VPS13A: variants seen among roughly 807,000 people sequenced by gnomAD.
VPS13A encodes vacuolar protein sorting 13 homolog A.
Under a neutral mutation model 390.9 loss-of-function variants are expected in VPS13A, and 264 were observed. That is an observed-to-expected ratio of 0.68 (90% CI 0.61 to 0.75). The LOEUF is 0.75. Ranked by LOEUF, VPS13A falls within the 30% of genes least tolerant of loss-of-function variation. The pLI is 0.00. For missense variants in VPS13A, 3,409 were observed against 3,733.9 expected (o/e 0.91, Z 2.27); for synonymous variants, 1,231 against 1,227.1 (o/e 1.00, Z -0.07).
chr9:77,281,224 A>T (rs536670593), intron 27 of VPS13A, among the ~76,000 whole-genome samples: 1 of 152,154 alleles, frequency 6.6e-6, no homozygotes, highest in Admixed American at 6.5e-5. Flanking sequence ...TGAGATCTGT[A>T]TACAGCAGGG....
intron 36 of VPS13A, 52 bp downstream of exon 36, chr9:77,314,171 G>T (rs553152572): frequency 6.3e-7 from 1 of 1,598,138 alleles, no homozygotes. Context: ...ATTTGCATAG[G>T]TTGATGTTTT....
At chr9:77,261,285 C>T (rs529105840) in intron 23 of VPS13A, among the ~76,000 whole-genome samples, 4 of 152,088 alleles carry the variant, frequency 2.6e-5, no homozygotes, top group African/African-American at 9.6e-5. Context: ...ATCATATATG[C>T]CTTAGATAAA....
chr9:77,326,180 G>T (rs867846482), intron 45 of VPS13A, among the ~76,000 whole-genome samples: 2 of 151,910 alleles, frequency 1.3e-5, no homozygotes, highest in Non-Finnish European at 2.9e-5. Context: ...CAGCTTTTGA[G>T]ATTTTTTTTC....
At chr9:77,242,936 A>G (rs1038485600) in intron 19 of VPS13A, among the ~76,000 whole-genome samples, 1 of 152,026 alleles carries the variant, frequency 6.6e-6, no homozygotes, top group African/African-American at 2.4e-5. Context: ...TTCTATACCA[A>G]TAGTATAAAA....
At chr9:77,272,999 T>A (rs889726464) in intron 23 of VPS13A, among the ~76,000 whole-genome samples, 1 of 152,240 alleles carries the variant, frequency 6.6e-6, no homozygotes, top group Non-Finnish European at 1.5e-5. Context: ...TAATACTATG[T>A]TGACTTAAAA....
At position 77,416,576 on chromosome 9, in the gene VPS13A, T is replaced by G. The variant is rs1258686327; in HGVS notation, c.*570T>G. ...ATAAAGGATAGGTTTGAATTGTACTTAAAATGCATAGCATTATTAAAAACA... is the reference window on the plus strand; with the variant it reads ...ATAAAGGATAGGTTTGAATTGTACTGAAAATGCATAGCATTATTAAAAACA... On this transcript the variant is annotated 3_prime_UTR_variant, in exon 72 of 72. Coordinates refer to ENST00000360280, the MANE Select transcript of VPS13A (RefSeq NM_033305.3). The G allele has an allele frequency of 1.3e-5, 2 of 152,706 alleles. No individual in the cohort carries two copies. The highest frequency in any genetic ancestry group is 3.8e-4 in the East Asian group (2 of 5,214). The allele number at this position is 152,706 out of a possible 1,614,324, so 9.5% of individuals were successfully genotyped here.
rs536941797 is a variant in VPS13A at position 77,228,000 on chromosome 9, C to T, written c.1453-122C>T. 1.3e-5 allele frequency: 10 copies of T among 745,178 alleles called. No homozygotes were observed. The African/African-American group carries it at 1.8e-4, about 14-fold the overall frequency. The allele number at this position is 745,178 out of a possible 1,614,324, so 46.2% of individuals were successfully genotyped here. A position where few individuals can be genotyped will look rare whatever the true frequency, so the allele number is the denominator to read the frequency against. The stretch of plus-strand genomic sequence containing the variant: ...TTTTTTTGGGGTCAATGTGATGATT[C>T]TTGAAGAAATAAAATGTCCTTAAAA... On this transcript the variant is annotated intron_variant, in intron 16 of 71. Transcript: ENST00000360280.
chr9:77,325,151 A>G (rs1357991268), intron 45 of VPS13A, among the ~76,000 whole-genome samples: 2 of 152,214 alleles, frequency 1.3e-5, no homozygotes, highest in East Asian at 1.9e-4. Context: ...TTAAATTCTC[A>G]TAAGGAGCAT....
intron 7 of VPS13A, 110 bp from the exon 8 acceptor site, chr9:77,212,859 G>A (rs1389942755): frequency 8.8e-6 from 10 of 1,130,084 alleles, no homozygotes; most frequent in Non-Finnish European, 1.3e-5. Context: ...GTCTTTAAAG[G>A]CATTTTCATG....
chr9:77,347,083 A>G (rs899756688), intron 52 of VPS13A, among the ~76,000 whole-genome samples: 1 of 152,204 alleles, frequency 6.6e-6, no homozygotes, highest in Non-Finnish European at 1.5e-5. Flanking sequence ...TTTGGTGACT[A>G]TAGGCATTGT....
At chr9:77,415,587 G>A (rs1835139789) in intron 71 of VPS13A, among the ~76,000 whole-genome samples, 1 of 152,302 alleles carries the variant, frequency 6.6e-6, no homozygotes, top group African/African-American at 2.4e-5. Flanking sequence ...CTCTGGAATT[G>A]TGTGTAAGTA....
intron 12 of VPS13A, 116 bp from the exon 13 acceptor site, chr9:77,221,069 T>C: frequency 6.1e-6 from 6 of 990,136 alleles, no homozygotes; most frequent in South Asian, 1.4e-5. Flanking sequence ...TCAGATAATA[T>C]ATCATTTTCC....
At chr9:77,348,043 A>G (rs890564426) in intron 52 of VPS13A, among the ~76,000 whole-genome samples, 3 of 152,186 alleles carry the variant, frequency 2.0e-5, no homozygotes, top group African/African-American at 7.2e-5. Flanking sequence ...AATTAGTTCA[A>G]CCATTGTGGA....
At chr9:77,413,681 GC>G (rs1835043541) in intron 71 of VPS13A, among the ~76,000 whole-genome samples, 1 of 152,132 alleles carries the variant, frequency 6.6e-6, no homozygotes, top group Non-Finnish European at 1.5e-5. Flanking sequence ...ATAGGCATGG[GC>G]AAGGACTTCA....
In VPS13A at chr9:77,230,256, T is replaced by A. The variant is rs534854651; in HGVS notation, c.1595+1992T>A. Among the ~76,000 whole-genome samples, 16 of 152,044 alleles carry A rather than the reference T, an allele frequency of 1.1e-4. No individual in the cohort carries two copies. The South Asian group carries it at 1.7e-3, about 16-fold the overall frequency. On this transcript the variant is annotated intron_variant, in intron 17 of 71. Coordinates refer to ENST00000360280, the MANE Select transcript of VPS13A (RefSeq NM_033305.3). Reference sequence around the variant, plus strand: ...CTTAATGGTGAAGTCAAATTTATATTTTTTTTGCTACACATGCTTTTCATT... The same window carrying A: ...CTTAATGGTGAAGTCAAATTTATATATTTTTTGCTACACATGCTTTTCATT...
chr9:77,275,016 A>C (rs992698313), intron 24 of VPS13A, among the ~76,000 whole-genome samples: 5 of 152,136 alleles, frequency 3.3e-5, no homozygotes, highest in Admixed American at 6.5e-5. Flanking sequence ...TTGTGTATAT[A>C]TATGTATACA....
At chr9:77,185,822 G>C (rs1037926977) in intron 1 of VPS13A, among the ~76,000 whole-genome samples, 2 of 152,128 alleles carry the variant, frequency 1.3e-5, no homozygotes, top group Admixed American at 6.5e-5. Flanking sequence ...ACTAGTCCAA[G>C]TCCACGTCCA....
chr9:77,305,451 T>A (rs983978058), intron 34 of VPS13A: 2 of 123,150 alleles, frequency 1.6e-5, no homozygotes, highest in African/African-American at 6.1e-5. Context: ...AACATAAATA[T>A]TATGTTCCAC....
intron 26 of VPS13A, among the ~76,000 whole-genome samples, chr9:77,279,660 G>A (rs1229986239): frequency 2.4e-4 from 36 of 152,064 alleles, no homozygotes; most frequent in Admixed American, 2.3e-3. Flanking sequence ...GTCCATATCA[G>A]TATAACTAAT....
Sources: gnomAD v4.1 joint callset for allele counts (sites outside exome capture counted in the v4.1 genomes callset) on GRCh38, gnomAD v4.1.1 for gene constraint, MANE v1.5 for transcripts, NCBI Gene and HGNC (gene_info 2026-07-23, HGNC 2026-07-21) for gene names.